CWC15: variants seen among roughly 807,000 people sequenced by gnomAD.
CWC15 encodes the protein spliceosome-associated protein CWC15 homolog.
A neutral mutation model predicts 28.4 loss-of-function variants in CWC15; 12 were observed. That is an observed-to-expected ratio of 0.42 (90% CI 0.27 to 0.69). The LOEUF is 0.69. Ranked by LOEUF, CWC15 falls within the 30% of genes least tolerant of loss-of-function variation. CWC15 has a pLI of 0.23. For missense variants in CWC15, 192 were observed against 271.5 expected, an observed-to-expected ratio of 0.71 and a Z score of 2.06; for synonymous variants, 92 against 88.4, an observed-to-expected ratio of 1.04 and a Z score of -0.23.
At chr11:94,969,321 A>C (rs1555095794) in intron 5 of CWC15, among the ~76,000 whole-genome samples, 1 of 152,168 alleles carries the variant, frequency 6.6e-6, no homozygotes, top group African/African-American at 2.4e-5. Flanking sequence ...TTGCCAGAGT[A>C]ATCTTTCTAA....
At chr11:94,972,730 GAA>G (rs1181778916) in intron 1 of CWC15, among the ~76,000 whole-genome samples, 1 of 152,148 alleles carries the variant, frequency 6.6e-6, no homozygotes, top group Admixed American at 6.5e-5. Flanking sequence ...ATGTCCCAGA[GAA>G]AAGTGTGTTA....
rs1312397735 is a variant in CWC15, at chr11:94,966,289, T to C, written c.560+6A>G. ...CACACTCCATTACTCCGTTACTGTA[T>C]AGTACCTTCTTTTAACTTTGAAGTT... On this transcript the variant is annotated splice_donor_region_variant and intron_variant, in intron 6 of 6. Coordinates refer to ENST00000279839, the MANE Select transcript of CWC15 (RefSeq NM_016403.4). 2 of 1,453,726 alleles carry C rather than the reference T, an allele frequency of 1.4e-6. No individual in the cohort carries two copies. Among genetic ancestry groups the C allele is most frequent in the South Asian group, 1.2e-5 (1 of 82,030 alleles). The allele number at this position is 1,453,726 out of a possible 1,614,324, so 90.1% of individuals were successfully genotyped here.
intron 5 of CWC15, 71 bp from the exon 6 acceptor site, chr11:94,966,484 A>G (rs1857645646): frequency 3.4e-6 from 3 of 884,948 alleles, no homozygotes; most frequent in African/African-American, 3.5e-5. Flanking sequence ...ATATTAGCTC[A>G]CTGAAAAAAA....
intron 5 of CWC15, among the ~76,000 whole-genome samples, chr11:94,968,293 G>GA (rs2134101038): frequency 6.6e-6 from 1 of 152,288 alleles, no homozygotes; most frequent in African/African-American, 2.4e-5. Context: ...GCTGACCCCT[G>GA]ACAAGGGCTA....
intron 2 of CWC15, 74 bp downstream of exon 2, chr11:94,971,981 T>A (rs1857728647): frequency 7.6e-7 from 1 of 1,315,862 alleles, no homozygotes; most frequent in African/African-American, 1.5e-5. Flanking sequence ...TCAAACATAC[T>A]ACTATATCAT....
rs115652087 is a variant in CWC15 at position 94,972,699 on chromosome 11, T to C, written c.-8-506A>G. On this transcript the variant is annotated intron_variant, in intron 1 of 6. Coordinates refer to ENST00000279839, the MANE Select transcript of CWC15 (RefSeq NM_016403.4). ...ACAAAAGCTAAAAACAAACAAAAAA[T>C]ATCACTGACAAAGTTACTAAATGTC... Among the ~76,000 whole-genome samples the C allele has an allele frequency of 7.1e-3, 1,074 of 152,198 alleles. 13 individuals are homozygous for C. The highest frequency in any genetic ancestry group is 0.024 in the African/African-American group (1,014 of 41,522).
intron 6 of CWC15, among the ~76,000 whole-genome samples, chr11:94,966,052 T>C (rs145399178): frequency 2.3e-4 from 35 of 152,308 alleles, no homozygotes; most frequent in African/African-American, 7.2e-4. Flanking sequence ...CAGCTGGTTA[T>C]TGCAACTATC....
chr11:94,972,031 A>C, intron 2 of CWC15, 24 bp downstream of exon 2: 2 of 1,601,382 alleles, frequency 1.2e-6, no homozygotes, highest in Non-Finnish European at 1.7e-6. Flanking sequence ...TTTTGTGAAC[A>C]ATAAAAAAAG....
intron 5 of CWC15, among the ~76,000 whole-genome samples, chr11:94,968,516 T>A (rs1285498570): frequency 6.6e-6 from 1 of 152,228 alleles, no homozygotes; most frequent in Admixed American, 6.5e-5. Context: ...CATCTCTATG[T>A]GTCCAGAACT....
chr11:94,967,858 T>A (rs1381518025), intron 5 of CWC15, among the ~76,000 whole-genome samples: 2 of 152,182 alleles, frequency 1.3e-5, no homozygotes, highest in Non-Finnish European at 2.9e-5. Flanking sequence ...ATTATACCGA[T>A]GCTTAAAGGG....
intron 1 of CWC15, among the ~76,000 whole-genome samples, chr11:94,972,732 A>T (rs1857740908): frequency 6.6e-6 from 1 of 152,220 alleles, no homozygotes; most frequent in African/African-American, 2.4e-5. Flanking sequence ...GTCCCAGAGA[A>T]AAGTGTGTTA....
intron 5 of CWC15, among the ~76,000 whole-genome samples, chr11:94,968,274 A>G (rs1292967380): frequency 2.6e-5 from 4 of 152,202 alleles, no homozygotes; most frequent in Admixed American, 2.6e-4. Flanking sequence ...GGCCCTTTAC[A>G]GAAAGGGTGC....
At chr11:94,971,529 C>CAT in intron 2 of CWC15, 42 bp from the exon 3 acceptor site, 1 of 985,778 alleles carries the variant, frequency 1.0e-6, no homozygotes, top group Non-Finnish European at 1.6e-6. Context: ...TACTTAAACA[C>CAT]ACACACACAC....
Position 94,971,469 on chromosome 11 carries a change from G to C in CWC15, c.150C>G (p.Ala50=). 3.1e-6 allele frequency: 5 copies of C among 1,608,132 alleles called. No homozygotes were observed. Among genetic ancestry groups the C allele is most frequent in the Non-Finnish European group, 4.2e-6 (5 of 1,176,688 alleles). Residue 50 remains alanine (A), a synonymous_variant, in exon 3 of 7, where the codon GCC becomes GCG. Transcript: ENST00000279839. ...AGTCACGGTTACGAACCTCTTCAGG[G>C]GCATCCTGAGTAGTCTGTCTAAAGT... ...KIKYRQTTQD[A]PEEVRNRDFR...
chr11:94,964,159 C>T (rs1272829705), intron 6 of CWC15, among the ~76,000 whole-genome samples: 1 of 151,890 alleles, frequency 6.6e-6, no homozygotes, highest in African/African-American at 2.4e-5. Context: ...TTATAAAATA[C>T]ATGTGTTATA....
rs1430087960 is a variant in CWC15 at position 94,963,574 on chromosome 11, T to C, written c.561-60A>G. ...TGTTTGTATCAGGAGACAAGAATACTACATGCACTGCAAGGCTTAGTCAGT... is the reference window on the plus strand; with the variant it reads ...TGTTTGTATCAGGAGACAAGAATACCACATGCACTGCAAGGCTTAGTCAGT... On this transcript the variant is annotated intron_variant, in intron 6 of 6. Coordinates refer to ENST00000279839, the MANE Select transcript of CWC15 (RefSeq NM_016403.4). 24 of 1,455,864 alleles carry C rather than the reference T, an allele frequency of 1.6e-5. No homozygotes were observed. In the Admixed American group the frequency reaches 2.3e-4, roughly 14 times the overall value. The allele number at this position is 1,455,864 out of a possible 1,614,324, so 90.2% of individuals were successfully genotyped here. A position where few individuals can be genotyped will look rare whatever the true frequency, so the allele number is the denominator to read the frequency against.
chr11:94,966,224 T>TACACACACACACACACACACACAC (rs1447749262), intron 6 of CWC15, 71 bp downstream of exon 6: 1 of 732,148 alleles, frequency 1.4e-6, no homozygotes, highest in African/African-American at 2.4e-5. Context: ...CACATACACA[T>TACACACACACACACACACACACAC]ATACACACAC....
intron 4 of CWC15, chr11:94,970,629 G>C (rs1487511673): frequency 4.0e-6 from 1 of 252,618 alleles, no homozygotes. Context: ...CAACTCTAGA[G>C]GGCACTGTTT....
chr11:94,967,377 T>A (rs1217844197), intron 5 of CWC15, among the ~76,000 whole-genome samples: 1 of 152,202 alleles, frequency 6.6e-6, no homozygotes, highest in Admixed American at 6.5e-5. Flanking sequence ...ACACTGTCTT[T>A]CTTCACTTTT....
Sources: gnomAD v4.1 joint callset for allele counts (sites outside exome capture counted in the v4.1 genomes callset) on GRCh38, gnomAD v4.1.1 for gene constraint, MANE v1.5 for transcripts, NCBI Gene and HGNC (gene_info 2026-07-23, HGNC 2026-07-21) for gene names.